QRICH1: variants seen among roughly 807,000 people sequenced by gnomAD.
QRICH1 encodes the protein glutamine rich 1, also known as transcriptional regulator QRICH1.
QRICH1 carries 16 observed loss-of-function variants against 87.1 expected under a neutral mutation model. The ratio of observed to expected loss-of-function variants is 0.18; its 90% CI spans 0.12 to 0.28. The LOEUF is 0.28. Ranked by LOEUF, QRICH1 falls within the 10% of genes least tolerant of loss-of-function variation. The pLI is 1.00. For missense variants in QRICH1, 647 were observed against 951.7 expected (o/e 0.68, Z 4.21); for synonymous variants, 367 against 368.4 (o/e 1.00, Z 0.05).
intron 2 of QRICH1, among the ~76,000 whole-genome samples, chr3:49,063,950 T>C (rs2093450794): frequency 6.6e-6 from 1 of 152,110 alleles, no homozygotes; most frequent in Admixed American, 6.6e-5. Context: ...TCTGTTGCCC[T>C]GGCTGGAGTG....
At chr3:49,079,129 G>A (rs1339429739) in intron 1 of QRICH1, among the ~76,000 whole-genome samples, 1 of 152,038 alleles carries the variant, frequency 6.6e-6, no homozygotes, top group Non-Finnish European at 1.5e-5. Flanking sequence ...CAGCTACTAC[G>A]GAGGCTAAGG....
At chr3:49,071,165 C>T (rs375416408) in intron 2 of QRICH1, among the ~76,000 whole-genome samples, 11 of 151,884 alleles carry the variant, frequency 7.2e-5, no homozygotes, top group Admixed American at 2.0e-4. Context: ...CCCGGGTTCA[C>T]GTCATTCTCC....
chr3:49,041,053 C>T (rs2093306875), intron 6 of QRICH1, among the ~76,000 whole-genome samples: 1 of 152,148 alleles, frequency 6.6e-6, no homozygotes, highest in Non-Finnish European at 1.5e-5. Flanking sequence ...ATGCAACCTC[C>T]ACCTCCTGGG....
chr3:49,073,498 C>G (rs1361294064), intron 2 of QRICH1, among the ~76,000 whole-genome samples: 1 of 150,612 alleles, frequency 6.6e-6, no homozygotes, highest in Non-Finnish European at 1.5e-5. Context: ...TGAGATCACG[C>G]CACTGCTCTC....
chr3:49,070,193 T>A, intron 2 of QRICH1, among the ~76,000 whole-genome samples: 1 of 151,926 alleles, frequency 6.6e-6, no homozygotes, highest in East Asian at 1.9e-4. Flanking sequence ...CCTGCCAACA[T>A]GCCCGGCTGA....
chr3:49,058,961 CTTT>C (rs1160675425), intron 2 of QRICH1, among the ~76,000 whole-genome samples: 7 of 119,268 alleles, frequency 5.9e-5, no homozygotes, highest in South Asian at 2.7e-4. Context: ...GAGTTTCACT[CTTT>C]TTTTTTTTTT....
intron 4 of QRICH1, 89 bp downstream of exon 4, chr3:49,046,980 G>A: frequency 6.9e-7 from 1 of 1,448,246 alleles, no homozygotes; most frequent in Non-Finnish European, 9.4e-7. Flanking sequence ...CCCAAGACAG[G>A]AGACACCACT....
chr3:49,031,134 G>A (rs1440597629), intron 9 of QRICH1, among the ~76,000 whole-genome samples: 3 of 151,778 alleles, frequency 2.0e-5, no homozygotes, highest in South Asian at 4.2e-4. Flanking sequence ...CCATAGGCAC[G>A]AGCCACCAAG....
chr3:49,049,793 C>T (rs138441932), intron 3 of QRICH1, among the ~76,000 whole-genome samples: 40 of 152,020 alleles, frequency 2.6e-4, no homozygotes, highest in African/African-American at 7.0e-4. Flanking sequence ...CCACCATACC[C>T]GGCCAGATTC....
At chr3:49,030,831 A>T (rs898385142) in intron 9 of QRICH1, among the ~76,000 whole-genome samples, 187 bp from the exon 10 acceptor site, 15 of 151,780 alleles carry the variant, frequency 9.9e-5, no homozygotes, top group Non-Finnish European at 1.9e-4. Flanking sequence ...AAATCCCCCA[A>T]ATGTTGGGTT....
intron 2 of QRICH1, among the ~76,000 whole-genome samples, chr3:49,076,237 G>A (rs1049980258): frequency 6.6e-6 from 1 of 152,176 alleles, no homozygotes; most frequent in Non-Finnish European, 1.5e-5. Context: ...CAATGACATG[G>A]CAGCACCACA....
Position 49,093,959 on chromosome 3 carries a change from G to C in QRICH1, c.-69C>G. The C allele has an allele frequency of 2.5e-6, 1 of 402,564 alleles. No individual in the cohort carries two copies. Among genetic ancestry groups the C allele is most frequent in the Non-Finnish European group, 4.3e-6 (1 of 230,108 alleles). 24.9% of individuals were successfully genotyped at this position (402,564 alleles called of 1,614,324 possible). A position where few individuals can be genotyped will look rare whatever the true frequency, so the allele number is the denominator to read the frequency against. ...CGCCGCCGCCTCCGCTGCACCCGCC[G>C]GCCCCGCCGCACCGCCAGGGACCCT... On this transcript the variant is annotated 5_prime_UTR_variant, in exon 1 of 10. Coordinates refer to ENST00000395443, the MANE Select transcript of QRICH1 (RefSeq NM_198880.3).
chr3:49,044,358 G>A (rs2093327695), intron 6 of QRICH1, 32 bp downstream of exon 6: 1 of 1,500,344 alleles, frequency 6.7e-7, no homozygotes, highest in Non-Finnish European at 9.1e-7. Context: ...ATCCAGGTAG[G>A]AAAGATATCC....
At chr3:49,092,659 T>C (rs1199036764) in intron 1 of QRICH1, among the ~76,000 whole-genome samples, 1 of 152,128 alleles carries the variant, frequency 6.6e-6, no homozygotes, top group Non-Finnish European at 1.5e-5. Flanking sequence ...GCAGATGTTT[T>C]GTATTAGAAA....
At chr3:49,079,185 G>C (rs1052647086) in intron 1 of QRICH1, among the ~76,000 whole-genome samples, 1 of 151,918 alleles carries the variant, frequency 6.6e-6, no homozygotes, top group Non-Finnish European at 1.5e-5. Context: ...AGTGACCCGA[G>C]ATCACTCGAA....
chr3:49,046,276 A>C (rs560948658), intron 5 of QRICH1, 149 bp downstream of exon 5: 35 of 903,640 alleles, frequency 3.9e-5, no homozygotes, highest in Middle Eastern at 5.1e-4. Context: ...AAAAAAAAAA[A>C]AACAACAAAT....
intron 6 of QRICH1, chr3:49,033,759 C>G (rs1014976075): frequency 3.9e-5 from 6 of 152,196 alleles, no homozygotes; most frequent in African/African-American, 1.4e-4. Context: ...AAGGCCGAGG[C>G]GGGTGGATCA....
chr3:49,044,553 G>A (rs1290574591), intron 5 of QRICH1, 49 bp from the exon 6 acceptor site: 1 of 1,271,440 alleles, frequency 7.9e-7, no homozygotes, highest in Non-Finnish European at 1.1e-6. Flanking sequence ...CCTGAACAAG[G>A]ATTTCAGGGG....
At chr3:49,038,571 C>T (rs1334808382) in intron 6 of QRICH1, among the ~76,000 whole-genome samples, 1 of 152,028 alleles carries the variant, frequency 6.6e-6, no homozygotes, top group Non-Finnish European at 1.5e-5. Flanking sequence ...CCCACCACCA[C>T]ACCCAGCTAA....
Sources: gnomAD v4.1 joint callset for allele counts (sites outside exome capture counted in the v4.1 genomes callset) on GRCh38, gnomAD v4.1.1 for gene constraint, MANE v1.5 for transcripts, NCBI Gene and HGNC (gene_info 2026-07-23, HGNC 2026-07-21) for gene names.